CADM1: variants seen among roughly 807,000 people sequenced by gnomAD.
CADM1 encodes the protein TSLC-1.
CADM1 carries 15 observed loss-of-function variants against 53.1 expected under a neutral mutation model. The observed-to-expected ratio is 0.28, with a 90% confidence interval of 0.19 to 0.44. The LOEUF is 0.44. Among genes scored for constraint, CADM1 ranks in the 20% least tolerant of loss-of-function variants. The pLI is 1.00. For missense variants in CADM1, 434 were observed against 611.3 expected (o/e 0.71, Z 3.06); for synonymous variants, 281 against 243.0 (o/e 1.16, Z -1.45).
intron 1 of CADM1, among the ~76,000 whole-genome samples, chr11:115,453,090 C>A (rs1286727311): frequency 6.6e-6 from 1 of 152,064 alleles, no homozygotes; most frequent in Admixed American, 6.5e-5. Flanking sequence ...GAAAAGGAAG[C>A]ACTCGACCAG....
At chr11:115,358,044 G>A (rs752854464) in intron 1 of CADM1, among the ~76,000 whole-genome samples, 1 of 152,124 alleles carries the variant, frequency 6.6e-6, no homozygotes, top group South Asian at 2.1e-4. Context: ...TATATGAAGT[G>A]TACAGTTTAA....
chr11:115,466,497 T>C (rs913079672), intron 1 of CADM1, among the ~76,000 whole-genome samples: 2 of 152,160 alleles, frequency 1.3e-5, no homozygotes, highest in African/African-American at 2.4e-5. Context: ...ACCCAACTAC[T>C]TCAGTCGCTG....
At chr11:115,285,477 G>T (rs549172867) in intron 1 of CADM1, among the ~76,000 whole-genome samples, 1 of 152,254 alleles carries the variant, frequency 6.6e-6, no homozygotes, top group African/African-American at 2.4e-5. Context: ...CTTGTTCAAG[G>T]TCACCTGGCT....
chr11:115,469,669 C>CTTTT lies in CADM1; in HGVS notation c.124+34598_124+34601dup, dbSNP rs554156174. Among the ~76,000 whole-genome samples, 34 of 100,460 alleles carry CTTTT rather than the reference C, an allele frequency of 3.4e-4. 2 individuals carry two copies. Among genetic ancestry groups the CTTTT allele is most frequent in the African/African-American group, 4.6e-4 (12 of 25,822 alleles). The allele number at this position is 100,460 out of a possible 152,430, so 65.9% of individuals were successfully genotyped here. A position where few individuals can be genotyped will look rare whatever the true frequency, so the allele number is the denominator to read the frequency against. On this transcript the variant is annotated intron_variant, in intron 1 of 11. Transcript: ENST00000331581. ...AACCATACTATCCTCAACTTCTGGG[C>CTTTT]TTTTTTTTTTTTTTTTTTTCGAGAC... is the stretch of plus-strand genomic sequence containing the variant.
At chr11:115,218,869 T>TA (rs147936313) in intron 5 of CADM1, among the ~76,000 whole-genome samples, 5,582 of 152,240 alleles carry the variant, frequency 0.037, 211 homozygotes, top group African/African-American at 0.095. Flanking sequence ...GAGAGCTGAA[T>TA]AATGGGAGGT....
chr11:115,496,695 C>T (rs1016685891), intron 1 of CADM1, among the ~76,000 whole-genome samples: 3 of 152,124 alleles, frequency 2.0e-5, no homozygotes, highest in African/African-American at 4.8e-5. Flanking sequence ...GGCTAGGAGC[C>T]TCCTGTTAGC....
rs1333099808 is a variant in CADM1, at chr11:115,170,594, G to T, written c.*5880C>A. ...GCTCATGTGTAATGATGTGAGTGTT[G>T]GGTGGGGGGTGGTGGGGGGGGACTG... On this transcript the variant is annotated 3_prime_UTR_variant, in exon 12 of 12. Coordinates refer to ENST00000331581, the MANE Select transcript of CADM1 (RefSeq NM_001301043.2). The T allele has an allele frequency of 6.6e-6, 1 of 150,934 alleles. No individual in the cohort carries two copies. The highest frequency in any genetic ancestry group is 1.5e-5 in the Non-Finnish European group (1 of 67,820). The allele number at this position is 150,934 out of a possible 1,614,324, so 9.3% of individuals were successfully genotyped here.
chr11:115,305,766 A>G (rs1164204558), intron 1 of CADM1, among the ~76,000 whole-genome samples: 1 of 151,646 alleles, frequency 6.6e-6, no homozygotes, highest in Non-Finnish European at 1.5e-5. Flanking sequence ...GCACCAAAAT[A>G]CTTTATTAGT....
intron 1 of CADM1, among the ~76,000 whole-genome samples, chr11:115,476,956 G>T (rs1233478886): frequency 6.6e-6 from 1 of 152,028 alleles, no homozygotes; most frequent in East Asian, 1.9e-4. Context: ...TCATATCAAT[G>T]ATTTTCAAAT....
intron 1 of CADM1, chr11:115,333,710 T>C (rs1391386077): frequency 6.6e-6 from 1 of 152,198 alleles, no homozygotes; most frequent in Admixed American, 6.5e-5. Context: ...GCAGCTCTAC[T>C]GTGGGCAGTA....
intron 1 of CADM1, among the ~76,000 whole-genome samples, chr11:115,244,156 T>C (rs1380232452): frequency 6.6e-6 from 1 of 152,226 alleles, no homozygotes; most frequent in Non-Finnish European, 1.5e-5. Context: ...CTAGAAGTTG[T>C]TAGGGCACTC....
At chr11:115,473,622 A>G (rs1949063733) in intron 1 of CADM1, among the ~76,000 whole-genome samples, 1 of 152,232 alleles carries the variant, frequency 6.6e-6, no homozygotes, top group Non-Finnish European at 1.5e-5. Context: ...TTCTGAAACA[A>G]ATGAACATTT....
Position 115,176,360 on chromosome 11 carries a change from C to G in CADM1, c.*114G>C. 1 of 1,591,980 alleles carries G rather than the reference C, an allele frequency of 6.3e-7. No homozygotes were observed. The highest frequency in any genetic ancestry group is 8.6e-7 in the Non-Finnish European group (1 of 1,166,476). ...AATCCCAAGCCTTCCCAGTCTCACA[C>G]CTTTCCACCCATTCATAAAAAAACA... On this transcript the variant is annotated 3_prime_UTR_variant, in exon 12 of 12. Transcript: ENST00000331581.
intron 1 of CADM1, among the ~76,000 whole-genome samples, chr11:115,499,714 T>G (rs546795783): frequency 6.6e-6 from 1 of 152,382 alleles, no homozygotes; most frequent in African/African-American, 2.4e-5. Context: ...CTTCCCTCCC[T>G]GGCCTTCGGC....
Position 115,239,924 on chromosome 11 carries a change from T to C in CADM1, c.271+350A>G, listed in dbSNP as rs1942160588. On this transcript the variant is annotated intron_variant, in intron 2 of 11. Transcript: ENST00000331581. The stretch of plus-strand genomic sequence containing the variant: ...TATAGGCATTTATTGCCTTGGAAAC[T>C]TCAATCTTCAAACCAAAGGGATTAC... Among the ~76,000 whole-genome samples the C allele has an allele frequency of 2.6e-5, 4 of 152,194 alleles. 1 individual carries two copies. Among genetic ancestry groups the C allele is most frequent in the Admixed American group, 2.6e-4 (4 of 15,274 alleles).
At chr11:115,484,817 G>A (rs1197756346) in intron 1 of CADM1, among the ~76,000 whole-genome samples, 1 of 151,844 alleles carries the variant, frequency 6.6e-6, no homozygotes, top group Non-Finnish European at 1.5e-5. Context: ...CGTGGTGGCG[G>A]GCGCCTGTAG....
At chr11:115,409,577 G>A (rs903941332) in intron 1 of CADM1, among the ~76,000 whole-genome samples, 1 of 151,914 alleles carries the variant, frequency 6.6e-6, no homozygotes, top group Admixed American at 6.6e-5. Context: ...TTTTAATGAA[G>A]CAGTAACCCA....
intron 1 of CADM1, among the ~76,000 whole-genome samples, chr11:115,503,994 C>A (rs976501563): frequency 6.6e-6 from 1 of 152,088 alleles, no homozygotes; most frequent in African/African-American, 2.4e-5. Context: ...CCCCCATTCT[C>A]ACTCCACTCT....
chr11:115,365,777 A>C (rs1946141297), intron 1 of CADM1, among the ~76,000 whole-genome samples: 1 of 152,198 alleles, frequency 6.6e-6, no homozygotes, highest in Non-Finnish European at 1.5e-5. Context: ...CAAATATATA[A>C]ACATTTTCAA....
Sources: allele counts gnomAD v4.1 joint callset (sites outside exome capture counted in the v4.1 genomes callset), GRCh38; gene constraint gnomAD v4.1.1; transcripts MANE v1.5; gene names NCBI Gene and HGNC (gene_info 2026-07-23, HGNC 2026-07-21).